Variants in PPFIA2 observed in about 807,000 individuals in gnomAD.
PPFIA2 encodes the protein liprin-alpha-2.
PPFIA2 carries 46 observed loss-of-function variants against 175.5 expected under a neutral mutation model. That is an observed-to-expected ratio of 0.26 (90% CI 0.21 to 0.34). The LOEUF (loss-of-function observed/expected upper bound fraction) is 0.34. PPFIA2 is among the 10% of genes least tolerant of loss of function. PPFIA2 has a pLI of 1.00. For synonymous variants in PPFIA2, 568 were observed against 511.4 expected (o/e 1.11, Z -1.49); for missense variants, 1,179 against 1,506.1 (o/e 0.78, Z 3.60).
intron 3 of PPFIA2, among the ~76,000 whole-genome samples, chr12:81,738,101 C>T (rs1305773808): frequency 6.6e-6 from 1 of 150,630 alleles, no homozygotes; most frequent in Non-Finnish European, 1.5e-5. Flanking sequence ...CTCTCTAAAG[C>T]AGCCAAAAAG....
chr12:81,634,939 C>A (rs1339570769), intron 4 of PPFIA2, among the ~76,000 whole-genome samples: 3 of 152,110 alleles, frequency 2.0e-5, no homozygotes, highest in Admixed American at 2.0e-4. Flanking sequence ...TAACTTCCAA[C>A]ATATCTTCAT....
chr12:81,619,824 A>C (rs1454738421), intron 4 of PPFIA2, among the ~76,000 whole-genome samples: 3 of 152,140 alleles, frequency 2.0e-5, no homozygotes, highest in African/African-American at 7.2e-5. Context: ...AATATTCACA[A>C]TATTTCCTTG....
chr12:81,542,388 A>C (rs2066357499), intron 4 of PPFIA2, among the ~76,000 whole-genome samples: 1 of 152,164 alleles, frequency 6.6e-6, no homozygotes, highest in Non-Finnish European at 1.5e-5. Context: ...GACAGAATAA[A>C]TTTATATCGT....
rs3075419 is a variant in PPFIA2 at position 81,493,730 on chromosome 12, TTGTG to T, written c.304-35868_304-35865del. On this transcript the variant is annotated intron_variant, in intron 4 of 32. Coordinates refer to ENST00000549396, the MANE Select transcript of PPFIA2 (RefSeq NM_003625.5). ...AGCACAGATGGAATTGAGTGTGTGT[TTGTG>T]TGTGTGTGTGTGTGTGTGTCTATAT... 2.8e-3 allele frequency among the ~76,000 whole-genome samples: 345 copies of T among 122,304 alleles called. 3 individuals are homozygous for T. The highest frequency in any genetic ancestry group is 3.9e-3 in the Non-Finnish European group (233 of 60,350). The allele number at this position is 122,304 out of a possible 152,430, so 80.2% of individuals were successfully genotyped here.
intron 4 of PPFIA2, among the ~76,000 whole-genome samples, chr12:81,532,097 A>G (rs1472812460): frequency 1.3e-5 from 2 of 151,850 alleles, no homozygotes; most frequent in African/African-American, 2.4e-5. Context: ...TGTCTTTGGA[A>G]ATAAAAGCAG....
intron 4 of PPFIA2, among the ~76,000 whole-genome samples, chr12:81,660,752 C>A (rs146471164): frequency 3.5e-4 from 53 of 152,250 alleles, no homozygotes; most frequent in African/African-American, 1.2e-3. Context: ...TCGTCAGATT[C>A]ACCAAAGTTG....
At position 81,344,674 on chromosome 12, in the gene PPFIA2, T is replaced by C. The variant is rs368308940; in HGVS notation, c.2252A>G (p.His751Arg). The stretch of plus-strand genomic sequence containing the variant: ...AGTTATTTACTGTACCTTTCTCCGA[T>C]GTTTCCTCAGATCACTTGGCTGTGA... Reference protein sequence around the residue: ...VMTLPSDLRKHRRKIAVVEED... With the variant: ...VMTLPSDLRKRRRKIAVVEED... The change falls in exon 19 of 33, where the codon CAT becomes CGT. Residue 751 changes from histidine to arginine, a missense_variant. Around this residue, in one of 10 missense-constraint regions of PPFIA2, gnomAD observed 223 missense variants for 241.6 expected, o/e 0.92. Coordinates refer to ENST00000549396, the MANE Select transcript of PPFIA2 (RefSeq NM_003625.5). 3 of 1,558,930 alleles carry C rather than the reference T, an allele frequency of 1.9e-6. No individual in the cohort carries two copies. Among genetic ancestry groups the C allele is most frequent in the Non-Finnish European group, 2.6e-6 (3 of 1,146,864 alleles).
intron 4 of PPFIA2, among the ~76,000 whole-genome samples, chr12:81,568,020 T>C (rs1272858919): frequency 6.6e-6 from 1 of 152,224 alleles, no homozygotes; most frequent in African/African-American, 2.4e-5. Context: ...AGTGATAGAA[T>C]TGCATTGCAG....
intron 4 of PPFIA2, among the ~76,000 whole-genome samples, chr12:81,674,901 G>A (rs1028620959): frequency 6.6e-6 from 1 of 151,794 alleles, no homozygotes; most frequent in Non-Finnish European, 1.5e-5. Flanking sequence ...ATAGCTCCCG[G>A]CAGTATGTTC....
Position 81,315,608 on chromosome 12 carries a change from G to C in PPFIA2, c.2642+10169C>G, listed in dbSNP as rs564948314. Among the ~76,000 whole-genome samples, 3 of 151,882 alleles carry C rather than the reference G, an allele frequency of 2.0e-5. No individual in the cohort carries two copies. In the East Asian group the frequency reaches 5.8e-4, roughly 29 times the overall value. On this transcript the variant is annotated intron_variant, in intron 22 of 32. Transcript: ENST00000549396. ...TAAGTTTGAAAGAAGCATGATTTGT[G>C]GTGATGACAAGATTCAGAATAGGAC... is the stretch of plus-strand genomic sequence containing the variant.
At chr12:81,356,381 T>A (rs1233295537) in intron 16 of PPFIA2, among the ~76,000 whole-genome samples, 1 of 151,910 alleles carries the variant, frequency 6.6e-6, no homozygotes, top group Non-Finnish European at 1.5e-5. Context: ...TTTCGAGAAC[T>A]GGTAGGTGCA....
intron 16 of PPFIA2, among the ~76,000 whole-genome samples, chr12:81,354,997 A>G (rs898204869): frequency 2.6e-5 from 4 of 152,282 alleles, no homozygotes; most frequent in Middle Eastern, 3.4e-3. Context: ...AATGGCGCCT[A>G]GAATGATGAA....
At chr12:81,260,293 C>T (rs957592503) in intron 32 of PPFIA2, 1 of 152,100 alleles carries the variant, frequency 6.6e-6, no homozygotes, top group Non-Finnish European at 1.5e-5. Flanking sequence ...ATACTGTTAT[C>T]CCAATTAATG....
chr12:81,648,296 T>G (rs2066473490), intron 4 of PPFIA2, among the ~76,000 whole-genome samples: 1 of 151,996 alleles, frequency 6.6e-6, no homozygotes, highest in Admixed American at 6.6e-5. Context: ...GGAAAATTAT[T>G]AAAATGAAAT....
At chr12:81,461,074 A>G (rs1370817038) in intron 4 of PPFIA2, among the ~76,000 whole-genome samples, 2 of 152,118 alleles carry the variant, frequency 1.3e-5, no homozygotes, top group African/African-American at 4.8e-5. Flanking sequence ...ATCAAATTTA[A>G]ACCAACTTTA....
At chr12:81,626,526 T>C (rs755787273) in intron 4 of PPFIA2, among the ~76,000 whole-genome samples, 2 of 152,050 alleles carry the variant, frequency 1.3e-5, no homozygotes, top group Non-Finnish European at 2.9e-5. Context: ...ATAGAATTTA[T>C]CTCTTGTGCT....
intron 22 of PPFIA2, among the ~76,000 whole-genome samples, chr12:81,314,444 A>G (rs2051815661): frequency 6.6e-6 from 1 of 151,968 alleles, no homozygotes; most frequent in Non-Finnish European, 1.5e-5. Flanking sequence ...GTAATTGGCA[A>G]GTAAGTTTTA....
rs958634759 is a variant in PPFIA2, at chr12:81,258,678, C to T, written c.*1016G>A. On this transcript the variant is annotated 3_prime_UTR_variant, in exon 33 of 33. Transcript: ENST00000549396. Reference sequence around the variant, plus strand: ...GGCCATCTCGGCTAAAAGCTTATAACATTAGACATGAGTCTGGCTAATGCC... The same window carrying T: ...GGCCATCTCGGCTAAAAGCTTATAATATTAGACATGAGTCTGGCTAATGCC... 6 of 152,080 alleles carry T rather than the reference C, an allele frequency of 3.9e-5. No homozygotes were observed. The highest frequency in any genetic ancestry group is 7.4e-5 in the Non-Finnish European group (5 of 68,024). 9.4% of individuals were successfully genotyped at this position (152,080 alleles called of 1,614,324 possible).
At chr12:81,561,661 T>A (rs1486873093) in intron 4 of PPFIA2, among the ~76,000 whole-genome samples, 1 of 152,212 alleles carries the variant, frequency 6.6e-6, no homozygotes, top group African/African-American at 2.4e-5. Context: ...ATTTTACAAA[T>A]CACTTTTTTT....
Sources: allele counts gnomAD v4.1 joint callset (sites outside exome capture counted in the v4.1 genomes callset), GRCh38; gene constraint gnomAD v4.1.1; regional missense constraint gnomAD v4.1.1; transcripts MANE v1.5; gene names NCBI Gene and HGNC (gene_info 2026-07-23, HGNC 2026-07-21).